Variants in CILP observed in about 807,000 individuals in gnomAD.
The protein encoded by CILP is cartilage intermediate layer protein 1.
Under a neutral mutation model 82.5 loss-of-function variants are expected in CILP, and 75 were observed. That is an observed-to-expected ratio of 0.91 (90% CI 0.75 to 1.10). The LOEUF is 1.10. CILP is among the 50% of genes least tolerant of loss of function. The pLI is 0.00. For synonymous variants in CILP, 530 were observed against 580.3 expected (o/e 0.91, Z 1.25); for missense variants, 1,479 against 1,530.8 (o/e 0.97, Z 0.56).
chr15:65,197,975 G>A lies in CILP; in HGVS notation c.2311C>T (p.Gln771Ter), dbSNP rs775493796. The change falls in exon 9 of 9, where the codon CAG becomes TAG. Residue 771 changes from glutamine to a stop codon, truncating the protein, a stop_gained. Coordinates refer to ENST00000261883, the MANE Select transcript of CILP (RefSeq NM_003613.4). LOFTEE classifies it high-confidence loss of function. ...TTAATCACGGAGATCACAACCCCCT[G>A]GATCTGCTCACTAGGCAAGAACCTC... ...SERFLPSEQI[Q>*]GVVISVINLE... 6.2e-7 allele frequency: 1 copy of A among 1,614,034 alleles called. No individual in the cohort carries two copies. The highest frequency in any genetic ancestry group is 1.3e-5 in the African/African-American group (1 of 74,896).
chr15:65,208,595 A>G (rs957438537), intron 2 of CILP, among the ~76,000 whole-genome samples: 1 of 152,006 alleles, frequency 6.6e-6, no homozygotes, highest in African/African-American at 2.4e-5. Context: ...GCGGTCCTCA[A>G]TTTTCCATAC....
At position 65,206,861 on chromosome 15, in the gene CILP, C is replaced by T; in HGVS notation, c.345G>A (p.Glu115=). ...TGQVVHGSPR[E]GFWCLNREQR... ...GCTCCCTGTTGAGGCACCAGAAACC[C>T]TCACGGGGACTACCATGGACCACCT... The change falls in exon 4 of 9, where the codon GAG becomes GAA. Residue 115 remains glutamate, a synonymous_variant. Coordinates refer to ENST00000261883, the MANE Select transcript of CILP (RefSeq NM_003613.4). 1.9e-6 allele frequency: 3 copies of T among 1,614,104 alleles called. No homozygotes were observed. The highest frequency in any genetic ancestry group is 1.1e-5 in the South Asian group (1 of 91,088).
intron 8 of CILP, among the ~76,000 whole-genome samples, chr15:65,200,918 T>C (rs1171077661): frequency 2.0e-5 from 3 of 152,350 alleles, no homozygotes; most frequent in Admixed American, 6.5e-5. Context: ...TAGCCATCCA[T>C]GGTCACTCCC....
chr15:65,207,666 A>G lies in CILP; in HGVS notation c.154+6T>C. 6.2e-7 allele frequency: 1 copy of G among 1,613,416 alleles called. No homozygotes were observed. Among genetic ancestry groups the G allele is most frequent in the Non-Finnish European group, 8.5e-7 (1 of 1,179,608 alleles). On this transcript the variant is annotated splice_donor_region_variant and intron_variant, in intron 3 of 8. Transcript: ENST00000261883. ...CCAGCCCCTCCCTGCTTCAGCCACAACTCACTCTCCAGGGTGTCGGCAGGC... is the reference window on the plus strand; with the variant it reads ...CCAGCCCCTCCCTGCTTCAGCCACAGCTCACTCTCCAGGGTGTCGGCAGGC...
chr15:65,205,519 C>T, intron 4 of CILP, 53 bp from the exon 5 acceptor site: 1 of 1,505,308 alleles, frequency 6.6e-7, no homozygotes, highest in Non-Finnish European at 9.0e-7. Flanking sequence ...GGAACTCTGT[C>T]AGGAAATCTG....
Position 65,197,405 on chromosome 15 carries a change from C to T in CILP, c.2881G>A (p.Val961Met), listed in dbSNP as rs777776022. The change falls in exon 9 of 9, where the codon GTG becomes ATG. Residue 961 changes from valine to methionine, a missense_variant. By Grantham distance (21) the Val-to-Met change is conservative. Coordinates refer to ENST00000261883, the MANE Select transcript of CILP (RefSeq NM_003613.4). ...FRACYIKVKIVGPLEVNVRSR... is the reference protein window; with the variant it reads ...FRACYIKVKIMGPLEVNVRSR... ...CGCACATTCACTTCCAGTGGCCCCA[C>T]AATCTTCACCTTGATATAGCAGGCC... 5.8e-5 allele frequency: 93 copies of T among 1,614,134 alleles called. No individual in the cohort carries two copies. The highest frequency in any genetic ancestry group is 7.8e-5 in the Non-Finnish European group (92 of 1,180,056).
At chr15:65,201,787 G>T in intron 8 of CILP, 85 bp downstream of exon 8, 1 of 761,326 alleles carries the variant, frequency 1.3e-6, no homozygotes, top group Non-Finnish European at 1.9e-6. Flanking sequence ...AAAAGCCTTA[G>T]CTATTACTGC....
chr15:65,204,087 G>A (rs1191658739), intron 6 of CILP, among the ~76,000 whole-genome samples, 181 bp downstream of exon 6: 1 of 144,014 alleles, frequency 6.9e-6, no homozygotes, highest in Non-Finnish European at 1.5e-5. Flanking sequence ...GGTGTAGAGC[G>A]AGTAACAGGA....
chr15:65,204,608 A>G, intron 5 of CILP, 26 bp from the exon 6 acceptor site: 2 of 1,572,402 alleles, frequency 1.3e-6, no homozygotes, highest in Non-Finnish European at 1.7e-6. Flanking sequence ...CCATATCAGC[A>G]GGGATTCTAT....
In CILP at chr15:65,199,008, G is replaced by A. The variant is rs1404200863; in HGVS notation, c.1278C>T (p.Tyr426=). 4 of 1,610,056 alleles carry A rather than the reference G, an allele frequency of 2.5e-6. No individual in the cohort carries two copies. The highest frequency in any genetic ancestry group is 3.4e-6 in the Non-Finnish European group (4 of 1,180,014). Reference sequence around the variant, plus strand: ...TAACAGGGCAGCGTCCCACGTCATAGTAGAAGGAGTTGGTGGCATTCTGAA... The same window carrying A: ...TAACAGGGCAGCGTCCCACGTCATAATAGAAGGAGTTGGTGGCATTCTGAA... ...DCFQNATNSF[Y]YDVGRCPVKT... is the part of the protein sequence containing the mutation. The change falls in exon 9 of 9, where the codon TAC becomes TAT. Residue 426 remains tyrosine (Y), a synonymous_variant. Coordinates refer to ENST00000261883, the MANE Select transcript of CILP (RefSeq NM_003613.4).
chr15:65,202,021 T>A lies in CILP; in HGVS notation c.1037A>T (p.Asn346Ile). ...GAGGGAAGGATCCAGCAATGTGTCA[T>A]TATGATACCTGCAAGGGATGGAGAG... Reference protein sequence around the residue: ...PRPDKYFWYHNDTLLDPSLYK... With the variant: ...PRPDKYFWYHIDTLLDPSLYK... Residue 346 changes from asparagine (N) to isoleucine (I), a missense_variant, in exon 8 of 9, where the codon AAT becomes ATT. Physicochemically the swap from Asn to Ile is moderately radical, Grantham distance 149. Transcript: ENST00000261883. 1.3e-6 allele frequency: 2 copies of A among 1,581,826 alleles called. No homozygotes were observed. The highest frequency in any genetic ancestry group is 1.7e-6 in the Non-Finnish European group (2 of 1,164,944).
At position 65,197,129 on chromosome 15, in the gene CILP, C is replaced by A; in HGVS notation, c.3157G>T (p.Ala1053Ser). 1 of 1,613,858 alleles carries A rather than the reference C, an allele frequency of 6.2e-7. No individual in the cohort carries two copies. Among genetic ancestry groups the A allele is most frequent in the Non-Finnish European group, 8.5e-7 (1 of 1,179,828 alleles). The change falls in exon 9 of 9, where the codon GCA becomes TCA. Residue 1053 changes from alanine to serine, a missense_variant. By Grantham distance (99) the Ala-to-Ser change is moderately conservative. Coordinates refer to ENST00000261883, the MANE Select transcript of CILP (RefSeq NM_003613.4). ...TACTCACTGGTGTCGTTGTTGACTG[C>A]AAGTGGCAAGTGGTTGACCAGGTAC... The part of the protein sequence containing the change: ...HEYLVNHLPL[A>S]VNNDTSEYTM...
In CILP at chr15:65,203,668, T is replaced by G. The variant is rs2073709; in HGVS notation, c.920-198A>C. On this transcript the variant is annotated intron_variant, in intron 6 of 8. Coordinates refer to ENST00000261883, the MANE Select transcript of CILP (RefSeq NM_003613.4). ...CTTCCACACCCCCAATCCTGGGACC[T>G]CTCCCATGGCCTGTCAAGCAGCATC... Among the ~76,000 whole-genome samples the G allele has an allele frequency of 1.9e-3, 293 of 152,284 alleles. 11 individuals carry two copies. The East Asian group carries it at 0.052, about 27-fold the overall frequency.
intron 5 of CILP, 120 bp from the exon 6 acceptor site, chr15:65,204,702 AC>A (rs1252773081): frequency 2.1e-6 from 2 of 946,156 alleles, no homozygotes; most frequent in Non-Finnish European, 3.0e-6. Context: ...AGCCTGCATG[AC>A]TAACTCCCAC....
intron 8 of CILP, among the ~76,000 whole-genome samples, chr15:65,201,662 G>A (rs1185898426): frequency 1.4e-5 from 2 of 143,440 alleles, no homozygotes; most frequent in African/African-American, 2.6e-5. Context: ...CTGGGAGGCA[G>A]AGGTTGAAGT....
Position 65,198,149 on chromosome 15 carries a change from C to A in CILP, c.2137G>T (p.Asp713Tyr). 5.0e-6 allele frequency: 8 copies of A among 1,614,214 alleles called. No homozygotes were observed. The highest frequency in any genetic ancestry group is 5.9e-6 in the Non-Finnish European group (7 of 1,180,044). ...PDTGLWEEEG[D>Y]FKFENQRRNK... ...CTCCTTTGATTTTCAAATTTGAAAT[C>A]ACCTTCCTCCTCCCACAGCCCTGTG... is the stretch of plus-strand genomic sequence containing the variant. The change falls in exon 9 of 9, where the codon GAT (aspartate) becomes TAT (tyrosine). Residue 713 changes from aspartate to tyrosine, a missense_variant. Coordinates refer to ENST00000261883, the MANE Select transcript of CILP (RefSeq NM_003613.4).
chr15:65,202,802 C>T (rs537744478), intron 7 of CILP, among the ~76,000 whole-genome samples: 2 of 151,256 alleles, frequency 1.3e-5, no homozygotes, highest in African/African-American at 2.4e-5. Flanking sequence ...AAGTCTGGAC[C>T]CCAAGACCAG....
rs1380490931 is a variant in CILP at position 65,196,798 on chromosome 15, T to C, written c.3488A>G (p.Gln1163Arg). 2 of 1,600,032 alleles carry C rather than the reference T, an allele frequency of 1.2e-6. No homozygotes were observed. Among genetic ancestry groups the C allele is most frequent in the Non-Finnish European group, 1.7e-6 (2 of 1,171,770 alleles). The change falls in exon 9 of 9, where the codon CAG (glutamine) becomes CGG (arginine). Residue 1163 changes from glutamine to arginine, a missense_variant. By Grantham distance (43) the Gln-to-Arg change is conservative. Transcript: ENST00000261883. ...RRQQRASRGG[Q>R]RQGGVVASLR... ...AGAGGCCACCACTCCACCCTGGCGC[T>C]GGCCACCCCTGCTCGCTCGCTGCTG... is the stretch of plus-strand genomic sequence containing the variant.
rs2088370267 is a variant in CILP at position 65,196,905 on chromosome 15, C to G, written c.3381G>C (p.Gln1127His). 1 of 1,613,504 alleles carries G rather than the reference C, an allele frequency of 6.2e-7. No individual in the cohort carries two copies. Residue 1127 changes from glutamine to histidine, a missense_variant, in exon 9 of 9, where the codon CAG becomes CAC. Physicochemically the swap from Gln to His is conservative, Grantham distance 24 (BLOSUM62 0). Transcript: ENST00000261883. ...FNCVERQVGR[Q>H]SAFQYLQSTP... ...TGCTTTGGAGGTACTGGAAGGCACT[C>G]TGGCGGCCTACTTGCCTCTCTACAC...
Sources: gnomAD v4.1 joint callset for allele counts (sites outside exome capture counted in the v4.1 genomes callset) on GRCh38, gnomAD v4.1.1 for gene constraint, MANE v1.5 for transcripts, NCBI Gene and HGNC (gene_info 2026-07-23, HGNC 2026-07-21) for gene names.